CTNNA3: variants seen among roughly 807,000 people sequenced by gnomAD.
CTNNA3 encodes the protein catenin alpha-3.
In CTNNA3, 76 loss-of-function variants were observed where a neutral mutation model predicts 95.7. The ratio of observed to expected loss-of-function variants is 0.79; its 90% confidence interval spans 0.66 to 0.96. The LOEUF is 0.96. Ranked by LOEUF, CTNNA3 falls within the 40% of genes least tolerant of loss-of-function variation. CTNNA3 has a pLI of 0.00. For synonymous variants in CTNNA3, 431 were observed against 374.4 expected (o/e 1.15, Z -1.74); for missense variants, 1,191 against 1,089.8 (o/e 1.09, Z -1.31).
chr10:66,345,921 A>G (rs2092505817), intron 12 of CTNNA3, among the ~76,000 whole-genome samples: 1 of 151,366 alleles, frequency 6.6e-6, no homozygotes, highest in African/African-American at 2.4e-5. Flanking sequence ...TACTAAAAAT[A>G]CAAAACTTAG....
intron 9 of CTNNA3, among the ~76,000 whole-genome samples, chr10:66,763,529 A>G (rs1294001708): frequency 2.0e-5 from 3 of 152,128 alleles, no homozygotes; most frequent in Admixed American, 6.6e-5. Context: ...GACCTTAGAT[A>G]TTATCCTGTC....
chr10:67,500,173 C>G (rs989269953), intron 5 of CTNNA3, among the ~76,000 whole-genome samples: 3 of 152,164 alleles, frequency 2.0e-5, no homozygotes, highest in Non-Finnish European at 4.4e-5. Context: ...TTATTTCTGC[C>G]TTACTTTGGT....
In CTNNA3 at chr10:66,367,896, ATT is replaced by A. The variant is rs1290268811; in HGVS notation, c.1732+11254_1732+11255del. On this transcript the variant is annotated intron_variant, in intron 12 of 17. Transcript: ENST00000433211. ...AATAATAATAATTATTATTATTATTATTATTATTATTATTATTATTATTATTA... is the reference window on the plus strand; with the variant it reads ...AATAATAATAATTATTATTATTATTAATTATTATTATTATTATTATTATTA... Among the ~76,000 whole-genome samples the A allele has an allele frequency of 9.1e-3, 337 of 36,886 alleles. 3 individuals carry two copies. The highest frequency in any genetic ancestry group is 0.022 in the African/African-American group (322 of 14,462). The allele number at this position is 36,886 out of a possible 152,430, so 24.2% of individuals were successfully genotyped here.
chr10:66,908,851 G>A (rs1396795415), intron 7 of CTNNA3, among the ~76,000 whole-genome samples: 2 of 152,014 alleles, frequency 1.3e-5, no homozygotes, highest in Admixed American at 1.3e-4. Flanking sequence ...TTTATGATAT[G>A]CCAGATTAGA....
intron 7 of CTNNA3, among the ~76,000 whole-genome samples, chr10:67,100,997 C>T (rs760706333): frequency 1.3e-5 from 2 of 151,608 alleles, no homozygotes; most frequent in Non-Finnish European, 3.0e-5. Context: ...GTTTAGTAAT[C>T]CCTATTTTAA....
rs567849946 is a variant in CTNNA3 at position 67,239,888 on chromosome 10, A to G, written c.580-20018T>C. Among the ~76,000 whole-genome samples the G allele has an allele frequency of 3.0e-4, 45 of 152,312 alleles. 1 individual carries two copies. The South Asian group carries it at 9.3e-3, about 32-fold the overall frequency. ...TAAAAAAGAAAAAAAAGTCTGAAATATAAAAATAAGAAGAGAAAGCTCCTG... is the reference window on the plus strand; with the variant it reads ...TAAAAAAGAAAAAAAAGTCTGAAATGTAAAAATAAGAAGAGAAAGCTCCTG... On this transcript the variant is annotated intron_variant, in intron 5 of 17. Transcript: ENST00000433211.
intron 7 of CTNNA3, among the ~76,000 whole-genome samples, chr10:66,859,560 T>A (rs530414052): frequency 2.6e-5 from 4 of 151,344 alleles, no homozygotes; most frequent in African/African-American, 9.7e-5. Context: ...ACTTTTACAC[T>A]GTTGGTGGGA....
In CTNNA3 at chr10:67,168,672, A is replaced by T. The variant is rs114419822; in HGVS notation, c.1047+11645T>A. ...CATCTATGACAAACCTACAGCCAAC[A>T]TTATACTGAAAGGGCAAAAGCTGCA... On this transcript the variant is annotated intron_variant, in intron 7 of 17. Coordinates refer to ENST00000433211, the MANE Select transcript of CTNNA3 (RefSeq NM_013266.4). Among the ~76,000 whole-genome samples the T allele has an allele frequency of 5.7e-3, 866 of 152,332 alleles. 6 individuals carry two copies. The highest frequency in any genetic ancestry group is 0.018 in the African/African-American group (740 of 41,582).
At chr10:66,673,019 G>A (rs1846719877) in intron 9 of CTNNA3, among the ~76,000 whole-genome samples, 1 of 151,874 alleles carries the variant, frequency 6.6e-6, no homozygotes, top group Admixed American at 6.6e-5. Context: ...CCAGATCTGG[G>A]CCTTAAATTC....
rs139741273 is a variant in CTNNA3 at position 67,571,587 on chromosome 10, C to T, written c.293-31918G>A. ...TGCTGAATTGTATTGCAAATCTCTG[C>T]GAGTAGATTATAATAGACTATAGTT... On this transcript the variant is annotated intron_variant, in intron 3 of 17. Coordinates refer to ENST00000433211, the MANE Select transcript of CTNNA3 (RefSeq NM_013266.4). Among the ~76,000 whole-genome samples, 1,332 of 152,168 alleles carry T rather than the reference C, an allele frequency of 8.8e-3. 37 individuals carry two copies. Among genetic ancestry groups the T allele is most frequent in the African/African-American group, 0.03 (1,265 of 41,510 alleles).
At chr10:66,980,067 G>A (rs1380337406) in intron 7 of CTNNA3, among the ~76,000 whole-genome samples, 1 of 152,132 alleles carries the variant, frequency 6.6e-6, no homozygotes, top group East Asian at 1.9e-4. Flanking sequence ...GGCCTAGAAT[G>A]TACCTAATAA....
chr10:66,751,506 TTTGTACTACCTCA>T (rs1747730546), intron 9 of CTNNA3, among the ~76,000 whole-genome samples: 1 of 152,204 alleles, frequency 6.6e-6, no homozygotes, highest in African/African-American at 2.4e-5. Flanking sequence ...TGTAATATTA[TTTGTACTACCTCA>T]TTGGATTGTC....
intron 7 of CTNNA3, among the ~76,000 whole-genome samples, chr10:67,122,980 A>T (rs980934379): frequency 6.6e-6 from 1 of 152,156 alleles, no homozygotes; most frequent in Admixed American, 6.6e-5. Context: ...AAGGAAAAAA[A>T]TAGGGCTGCA....
chr10:66,744,086 T>C (rs1297711661), intron 9 of CTNNA3, among the ~76,000 whole-genome samples: 1 of 151,094 alleles, frequency 6.6e-6, no homozygotes, highest in Non-Finnish European at 1.5e-5. Context: ...TGCAAGAAAC[T>C]GACTACTATG....
At chr10:67,078,961 A>C (rs1283254799) in intron 7 of CTNNA3, among the ~76,000 whole-genome samples, 1 of 152,212 alleles carries the variant, frequency 6.6e-6, no homozygotes, top group East Asian at 1.9e-4. Context: ...GTGACTTAGA[A>C]CACTGGCATA....
intron 4 of CTNNA3, among the ~76,000 whole-genome samples, chr10:67,528,783 C>A (rs76481187): frequency 0.017 from 2,512 of 152,182 alleles, 73 homozygotes; most frequent in African/African-American, 0.055. Context: ...AGTAAGCACA[C>A]AAAAATAACC....
At chr10:66,992,443 A>T (rs1851092108) in intron 7 of CTNNA3, among the ~76,000 whole-genome samples, 2 of 150,842 alleles carry the variant, frequency 1.3e-5, no homozygotes, top group South Asian at 4.2e-4. Context: ...TCTTGTTCCT[A>T]GGAGTTCTTA....
intron 6 of CTNNA3, among the ~76,000 whole-genome samples, chr10:67,206,982 T>C (rs1297845331): frequency 6.6e-5 from 10 of 151,694 alleles, no homozygotes; most frequent in Non-Finnish European, 2.9e-5. Flanking sequence ...AATACGAAAA[T>C]TAGCTGGGCG....
intron 7 of CTNNA3, among the ~76,000 whole-genome samples, chr10:66,816,980 GC>G (rs1378773024): frequency 6.6e-6 from 1 of 151,898 alleles, no homozygotes; most frequent in Non-Finnish European, 1.5e-5. Flanking sequence ...ATATATTAAA[GC>G]AAAAATACAA....
Sources: allele counts gnomAD v4.1 joint callset (sites outside exome capture counted in the v4.1 genomes callset), GRCh38; gene constraint gnomAD v4.1.1; transcripts MANE v1.5; gene names NCBI Gene and HGNC (gene_info 2026-07-23, HGNC 2026-07-21).